The following ATAT1 variants were observed in gnomAD, a reference collection of about 807,000 sequenced individuals.
The protein encoded by ATAT1 is alpha tubulin acetyltransferase 1, also known as alpha-tubulin N-acetyltransferase 1.
ATAT1 carries 42 observed loss-of-function variants against 57.2 expected under a neutral mutation model. That is an observed-to-expected ratio of 0.73 (90% confidence interval 0.57 to 0.95). The LOEUF (loss-of-function observed/expected upper bound fraction) is 0.95, where lower values mean the gene tolerates loss of function less well. Ranked by LOEUF, ATAT1 falls within the 40% of genes least tolerant of loss-of-function variation. The pLI is 0.00. For synonymous variants in ATAT1, 168 were observed against 187.1 expected (o/e 0.90, Z 0.83); for missense variants, 454 against 523.7 (o/e 0.87, Z 1.30).
chr6:30,638,530 A>G (rs1482145911), intron 6 of ATAT1, among the ~76,000 whole-genome samples: 1 of 150,198 alleles, frequency 6.7e-6, no homozygotes. Context: ...TTGGCCTCCC[A>G]AATTGTTGGG....
At position 30,640,570 on chromosome 6, in the gene ATAT1, T is replaced by A; in HGVS notation, c.583T>A (p.Ser195Thr). ...TCCCTCTCTGAGGGCAACTCGACAC[T>A]CTCGTGCTGCTGCAGTCGATCCCAC... The change falls in exon 8 of 13, where the codon TCT becomes ACT. Residue 195 changes from serine (S) to threonine (T), a missense_variant. Ser to Thr is a moderately conservative substitution (Grantham distance 58). Transcript: ENST00000330083. 6.2e-7 allele frequency: 1 copy of A among 1,612,920 alleles called. No individual in the cohort carries two copies. The highest frequency in any genetic ancestry group is 8.5e-7 in the Non-Finnish European group (1 of 1,180,010).
chr6:30,642,672 C>CA (rs1765720749), intron 9 of ATAT1, 96 bp from the exon 10 acceptor site: 2 of 826,428 alleles, frequency 2.4e-6, no homozygotes. Flanking sequence ...AAGAAAGACT[C>CA]AGATTTCTCT....
intron 10 of ATAT1, chr6:30,643,566 C>T (rs1766010618): frequency 6.4e-7 from 1 of 1,550,650 alleles, no homozygotes. Flanking sequence ...ATACTAACAG[C>T]TACCCTCTCC....
chr6:30,631,704 A>G (rs1762916393), intron 6 of ATAT1, among the ~76,000 whole-genome samples: 1 of 150,056 alleles, frequency 6.7e-6, no homozygotes, highest in Non-Finnish European at 1.5e-5. Context: ...GCTTAAGCCC[A>G]GGAGGTCGAA....
In ATAT1 at chr6:30,642,833, G is replaced by GGGGGGGGGCCCCCCCCCCCCCCCCCC; in HGVS notation, c.754_755insGGGGGGGGCCCCCCCCCCCCCCCCCC (p.Ala252GlyfsTer76). 3 of 1,537,828 alleles carry GGGGGGGGGCCCCCCCCCCCCCCCCCC rather than the reference G, an allele frequency of 2.0e-6. No homozygotes were observed. Among genetic ancestry groups the GGGGGGGGGCCCCCCCCCCCCCCCCCC allele is most frequent in the Non-Finnish European group, 1.7e-6 (2 of 1,145,748 alleles). On this transcript the variant is annotated frameshift_variant, in exon 10 of 13. Coordinates refer to ENST00000330083, the MANE Select transcript of ATAT1 (RefSeq NM_001031722.4). LOFTEE classifies it high-confidence loss of function. The stretch of plus-strand genomic sequence containing the variant: ...GGCCCCTCGCCGCGCCACACCTCCA[G>GGGGGGGGGCCCCCCCCCCCCCCCCCC]CCCACCCACCCCCCCGCTCCAGCAG...
In ATAT1 at chr6:30,642,833, G is replaced by GGGGGGCGGGCC; in HGVS notation, c.754_755insGGGGGCGGGCC (p.Ala252GlyfsTer71). The stretch of plus-strand genomic sequence containing the variant: ...GGCCCCTCGCCGCGCCACACCTCCA[G>GGGGGGCGGGCC]CCCACCCACCCCCCCGCTCCAGCAG... On this transcript the variant is annotated frameshift_variant, in exon 10 of 13. Transcript: ENST00000330083. LOFTEE classifies it high-confidence loss of function. The GGGGGGCGGGCC allele has an allele frequency of 6.5e-7, 1 of 1,537,876 alleles. No homozygotes were observed. The highest frequency in any genetic ancestry group is 8.7e-7 in the Non-Finnish European group (1 of 1,145,782).
chr6:30,643,369 C>A, intron 10 of ATAT1: 1 of 1,456,926 alleles, frequency 6.9e-7, no homozygotes, highest in Non-Finnish European at 9.1e-7. Context: ...GAGTGGGAAG[C>A]CACTGGCTTG....
At chr6:30,637,631 C>A (rs1278859925) in intron 6 of ATAT1, among the ~76,000 whole-genome samples, 1 of 147,738 alleles carries the variant, frequency 6.8e-6, no homozygotes, top group African/African-American at 2.5e-5. Flanking sequence ...TGCAGGGAGC[C>A]GAGATGACAC....
At position 30,645,821 on chromosome 6, in the gene ATAT1, T is replaced by G. The variant is rs181037464; in HGVS notation, c.933-74T>G. ...TCCTGTGCTATTCCTTTTACTCCTC[T>G]CCTCTGATTCCTCCATACCCACCCA... is the stretch of plus-strand genomic sequence containing the variant. On this transcript the variant is annotated intron_variant, in intron 10 of 12. Transcript: ENST00000330083. The G allele has an allele frequency of 2.9e-4, 312 of 1,076,774 alleles. 1 individual carries two copies. In the African/African-American group the frequency reaches 4.4e-3, roughly 15 times the overall value. 66.7% of individuals were successfully genotyped at this position (1,076,774 alleles called of 1,614,324 possible).
rs1422965101 is a variant in ATAT1 at position 30,646,637 on chromosome 6, T to C, written c.1224T>C (p.Pro408=). 2 of 1,560,260 alleles carry C rather than the reference T, an allele frequency of 1.3e-6. No homozygotes were observed. ...TGCAGGAACGTCGCAGCACCAGGCC[T>C]TGGTGACCGCAGCCCCGTCAAACAT... The change falls in exon 13 of 13, where the codon CCT becomes CCC. Residue 408 remains proline (P), a synonymous_variant. Coordinates refer to ENST00000330083, the MANE Select transcript of ATAT1 (RefSeq NM_001031722.4).
Position 30,635,741 on chromosome 6 carries a change from C to T in ATAT1, c.502-4636C>T, listed in dbSNP as rs551786421. ...GAGAAGTTACCATTGGATTTATCTG[C>T]GTTAGGCCATTGGTGATCTTAATGA... is the stretch of plus-strand genomic sequence containing the variant. On this transcript the variant is annotated intron_variant, in intron 6 of 12. Transcript: ENST00000330083. 5.9e-5 allele frequency among the ~76,000 whole-genome samples: 9 copies of T among 152,286 alleles called. No individual in the cohort carries two copies. The South Asian group carries it at 1.7e-3, about 28-fold the overall frequency.
At position 30,642,987 on chromosome 6, in the gene ATAT1, G is replaced by A. The variant is rs1765845073; in HGVS notation, c.908G>A (p.Ser303Asn). 6 of 1,613,696 alleles carry A rather than the reference G, an allele frequency of 3.7e-6. No homozygotes were observed. Among genetic ancestry groups the A allele is most frequent in the African/African-American group, 2.7e-5 (2 of 74,936 alleles). Residue 303 changes from serine (S) to asparagine (N), a missense_variant, in exon 10 of 13, where the codon AGC (serine) becomes AAC (asparagine). Ser to Asn is a conservative substitution (Grantham distance 46). Coordinates refer to ENST00000330083, the MANE Select transcript of ATAT1 (RefSeq NM_001031722.4). ...CTGTTGGCTGCTGACCCTGGGGGCA[G>A]CCCAGCTCAACGTCGTCGCACCAGG...
At chr6:30,641,866 TG>T in intron 8 of ATAT1, 2 of 1,190,110 alleles carry the variant, frequency 1.7e-6, no homozygotes, top group Non-Finnish European at 2.1e-6. Flanking sequence ...CAGCACCCAC[TG>T]ACAGTAAGAG....
chr6:30,645,797 C>A, intron 10 of ATAT1, 98 bp from the exon 11 acceptor site: 1 of 830,890 alleles, frequency 1.2e-6, no homozygotes, highest in Non-Finnish European at 1.8e-6. Flanking sequence ...TCTCTTTGTT[C>A]CTGTGCTATT....
intron 10 of ATAT1, chr6:30,644,238 C>T (rs1053737574): frequency 1.0e-6 from 1 of 985,750 alleles, no homozygotes; most frequent in African/African-American, 1.7e-5. Context: ...CACCATTTCC[C>T]CCAGATCCAG....
chr6:30,631,127 T>C (rs1366375329), intron 6 of ATAT1, among the ~76,000 whole-genome samples: 1 of 152,030 alleles, frequency 6.6e-6, no homozygotes, highest in Non-Finnish European at 1.5e-5. Context: ...GTATGTGGGA[T>C]TGCAGGTTGA....
intron 10 of ATAT1, among the ~76,000 whole-genome samples, chr6:30,645,449 C>T (rs968283550): frequency 6.6e-6 from 1 of 152,028 alleles, no homozygotes; most frequent in Non-Finnish European, 1.5e-5. Context: ...CTCCTGATCA[C>T]GTGATCTGCC....
Position 30,627,447 on chromosome 6 carries a change from T to C in ATAT1, c.72-13T>C. On this transcript the variant is annotated splice_polypyrimidine_tract_variant and intron_variant, in intron 1 of 12. Transcript: ENST00000330083. ...AGTGAGTATCTGACTCTTTATTTCTTCTCTTTCTCTAGTGTTGATCTACAG... is the reference window on the plus strand; with the variant it reads ...AGTGAGTATCTGACTCTTTATTTCTCCTCTTTCTCTAGTGTTGATCTACAG... The C allele has an allele frequency of 6.2e-7, 1 of 1,612,498 alleles. No individual in the cohort carries two copies. Among genetic ancestry groups the C allele is most frequent in the Non-Finnish European group, 8.5e-7 (1 of 1,178,576 alleles).
At chr6:30,646,400 G>C in intron 12 of ATAT1, 69 bp from the exon 13 acceptor site, 2 of 1,461,156 alleles carry the variant, frequency 1.4e-6, no homozygotes, top group Non-Finnish European at 1.8e-6. Flanking sequence ...CCGAGACCTT[G>C]AAGAGTCTGT....
Sources: allele counts gnomAD v4.1 joint callset (sites outside exome capture counted in the v4.1 genomes callset), GRCh38; gene constraint gnomAD v4.1.1; transcripts MANE v1.5; gene names NCBI Gene and HGNC (gene_info 2026-07-23, HGNC 2026-07-21).